Variants in KDM1B observed in about 807,000 individuals in gnomAD.
KDM1B encodes lysine-specific histone demethylase 2.
KDM1B carries 63 observed loss-of-function variants against 107.4 expected under a neutral mutation model. That is an observed-to-expected ratio of 0.59 (90% confidence interval 0.48 to 0.72). The LOEUF (loss-of-function observed/expected upper bound fraction) is 0.72. KDM1B is among the 30% of genes least tolerant of loss of function. KDM1B has a pLI of 0.00. For synonymous variants in KDM1B, 363 were observed against 363.9 expected, an observed-to-expected ratio of 1.00 and a Z score of 0.03; for missense variants, 749 against 1,020.8, an observed-to-expected ratio of 0.73 and a Z score of 3.63.
intron 7 of KDM1B, among the ~76,000 whole-genome samples, chr6:18,182,434 G>A (rs1421688498): frequency 6.6e-6 from 1 of 152,160 alleles, no homozygotes; most frequent in African/African-American, 2.4e-5. Context: ...AAGAACAATT[G>A]ACAACTCTGT....
At chr6:18,208,690 G>T (rs1360100794) in intron 17 of KDM1B, among the ~76,000 whole-genome samples, 2 of 119,766 alleles carry the variant, frequency 1.7e-5, no homozygotes, top group African/African-American at 6.4e-5. Context: ...TGTCACCCAG[G>T]CTGGAGTGCA....
intron 16 of KDM1B, 60 bp from the exon 17 acceptor site, chr6:18,208,072 A>C: frequency 8.3e-7 from 1 of 1,210,146 alleles, no homozygotes; most frequent in Non-Finnish European, 1.2e-6. Flanking sequence ...GAGAATCGGA[A>C]AGGATCCTGG....
At position 18,159,299 on chromosome 6, in the gene KDM1B, A is replaced by G. The variant is rs943295731; in HGVS notation, c.-13-584A>G. 6.6e-6 allele frequency among the ~76,000 whole-genome samples: 1 copy of G among 152,230 alleles called. No homozygotes were observed. The highest frequency in any genetic ancestry group is 1.5e-5 in the Non-Finnish European group (1 of 68,034). The stretch of plus-strand genomic sequence containing the variant: ...TCTTTTTAAAGTGTAATAAGAGATC[A>G]AAGTGCAGGAACTGCTAAGAAGACA... On this transcript the variant is annotated intron_variant, in intron 2 of 21. Coordinates refer to ENST00000650836, the MANE Select transcript of KDM1B (RefSeq NM_001364614.2). This position sits in a 1 kb window ranked among gnomAD's most constrained non-coding sequence, Gnocchi z 4.5.
chr6:18,220,670 G>T (rs1789626923), intron 21 of KDM1B, among the ~76,000 whole-genome samples: 1 of 152,180 alleles, frequency 6.6e-6, no homozygotes, highest in Non-Finnish European at 1.5e-5. Context: ...CAGCAGCTTC[G>T]GAGAGACGGC....
At position 18,205,450 on chromosome 6, in the gene KDM1B, G is replaced by A; in HGVS notation, c.1532-87G>A. 7.5e-7 allele frequency: 1 copy of A among 1,339,528 alleles called. No individual in the cohort carries two copies. Among genetic ancestry groups the A allele is most frequent in the Admixed American group, 2.3e-5 (1 of 42,980 alleles). The allele number at this position is 1,339,528 out of a possible 1,614,324, so 83.0% of individuals were successfully genotyped here. ...GACTTTGGAAGTTTTGGGTGTTGCT[G>A]GGTGACAGAGGTTGAAAGCAAAGGA... is the stretch of plus-strand genomic sequence containing the variant. On this transcript the variant is annotated intron_variant, in intron 14 of 21. Transcript: ENST00000650836. This position sits in a 1 kb window ranked among gnomAD's most constrained non-coding sequence, Gnocchi z 5.7.
In KDM1B at chr6:18,205,513, T is replaced by C. The variant is rs911967837; in HGVS notation, c.1532-24T>C. On this transcript the variant is annotated intron_variant, in intron 14 of 21. Coordinates refer to ENST00000650836, the MANE Select transcript of KDM1B (RefSeq NM_001364614.2). The surrounding 1 kb of genome is among the most constrained non-coding windows in gnomAD (Gnocchi z 5.7). ...GAATCTTGTTAAAGCTATTTTTTTC[T>C]GCTTTGATCCATTCCCATTACAGAA... 9 of 1,540,554 alleles carry C rather than the reference T, an allele frequency of 5.8e-6. No individual in the cohort carries two copies. Among genetic ancestry groups the C allele is most frequent in the Non-Finnish European group, 3.5e-6 (4 of 1,142,252 alleles).
At chr6:18,207,752 G>T (rs989915079) in intron 16 of KDM1B, among the ~76,000 whole-genome samples, 1 of 152,206 alleles carries the variant, frequency 6.6e-6, no homozygotes. Context: ...CTATTAAGAA[G>T]AAGGTATTCA....
At chr6:18,184,195 AGTTTT>A (rs991369036) in intron 7 of KDM1B, among the ~76,000 whole-genome samples, 3 of 149,356 alleles carry the variant, frequency 2.0e-5, no homozygotes, top group Non-Finnish European at 3.0e-5. Flanking sequence ...ACAATCATAT[AGTTTT>A]GTTTTGTTTT....
At position 18,207,421 on chromosome 6, in the gene KDM1B, C is replaced by T; in HGVS notation, c.1683C>T (p.His561=). Residue 561 remains histidine (H), a synonymous_variant, in exon 16 of 22, where the codon CAC becomes CAT. Coordinates refer to ENST00000650836, the MANE Select transcript of KDM1B (RefSeq NM_001364614.2). The stretch of plus-strand genomic sequence containing the variant: ...AGGTATCTGCTCGCTCGTGGGACCA[C>T]AATGAATTCTTTGCCCAGTTTGCTG... ...LHQVSARSWD[H]NEFFAQFAGD... The T allele has an allele frequency of 1.2e-6, 2 of 1,614,180 alleles. No homozygotes were observed. Among genetic ancestry groups the T allele is most frequent in the Non-Finnish European group, 1.7e-6 (2 of 1,180,028 alleles).
In KDM1B at chr6:18,213,725, C is replaced by G. The variant is rs1789022837; in HGVS notation, c.2053C>G (p.Pro685Ala). ...AGGGGCTGACTTTTTTGGTCACGTT[C>G]CTCCCAGTGCCAGCAAGCGAGGGCT... ...VQGADFFGHV[P>A]PSASKRGLFA... is the part of the protein sequence containing the mutation. The change falls in exon 19 of 22, where the codon CCT becomes GCT. Residue 685 changes from proline (P) to alanine (A), a missense_variant. Transcript: ENST00000650836. This position sits in a 1 kb window ranked among gnomAD's most constrained non-coding sequence, Gnocchi z 5.9. 1 of 1,613,880 alleles carries G rather than the reference C, an allele frequency of 6.2e-7. No homozygotes were observed. Among genetic ancestry groups the G allele is most frequent in the African/African-American group, 1.3e-5 (1 of 74,906 alleles).
rs148727543 is a variant in KDM1B at position 18,213,632 on chromosome 6, A to G, written c.1984-24A>G. 5.7e-4 allele frequency: 912 copies of G among 1,613,268 alleles called. 9 individuals carry two copies. In the East Asian group the frequency reaches 0.02, roughly 35 times the overall value. ...GTTTTGTGACGACAGACACCTAACC[A>G]CCTTTCTTCTGCTCACTTTGCAGAT... On this transcript the variant is annotated intron_variant, in intron 18 of 21. Transcript: ENST00000650836. This position sits in a 1 kb window ranked among gnomAD's most constrained non-coding sequence, Gnocchi z 5.9.
chr6:18,193,018 C>T (rs1334259837), intron 10 of KDM1B, among the ~76,000 whole-genome samples: 1 of 151,338 alleles, frequency 6.6e-6, no homozygotes, highest in Admixed American at 6.6e-5. Context: ...CATGGCAAAA[C>T]CCCGTCTCTA....
chr6:18,208,617 ATATATATATATTTTTTTTTTTTTT>A (rs1410695316), intron 17 of KDM1B, among the ~76,000 whole-genome samples: 2 of 34,930 alleles, frequency 5.7e-5, no homozygotes, highest in African/African-American at 2.1e-4. Flanking sequence ...ATATATATAT[ATATATATATATTTTTTTTTTTTTT>A]TTTTTTTTTT....
intron 20 of KDM1B, among the ~76,000 whole-genome samples, chr6:18,217,484 T>C (rs1052341581): frequency 6.6e-6 from 1 of 151,418 alleles, no homozygotes; most frequent in Non-Finnish European, 1.5e-5. Context: ...GTTCACGCCA[T>C]TCTCCTGACT....
In KDM1B at chr6:18,191,813, A is replaced by G. The variant is rs1434463503; in HGVS notation, c.969+432A>G. Among the ~76,000 whole-genome samples, 1 of 152,188 alleles carries G rather than the reference A, an allele frequency of 6.6e-6. No homozygotes were observed. Among genetic ancestry groups the G allele is most frequent in the Non-Finnish European group, 1.5e-5 (1 of 68,036 alleles). ...GAATTACATACAAATCCTTGAGGAC[A>G]GGAATTTTTATTCACCTCGGCATCC... On this transcript the variant is annotated intron_variant, in intron 10 of 21. Coordinates refer to ENST00000650836, the MANE Select transcript of KDM1B (RefSeq NM_001364614.2). The surrounding 1 kb of genome is among the most constrained non-coding windows in gnomAD (Gnocchi z 5.1).
rs1784529613 is a variant in KDM1B at position 18,155,514 on chromosome 6, G to C, written c.-115G>C. On this transcript the variant is annotated 5_prime_UTR_variant, in exon 1 of 22. Coordinates refer to ENST00000650836, the MANE Select transcript of KDM1B (RefSeq NM_001364614.2). This position sits in a 1 kb window ranked among gnomAD's most constrained non-coding sequence, Gnocchi z 6.2. Reference sequence around the variant, plus strand: ...AGCCGTCCTGTGCGCGCGGCGCGCGGCTCCGGAGAGGCGCCCGCAGTCCAG... The same window carrying C: ...AGCCGTCCTGTGCGCGCGGCGCGCGCCTCCGGAGAGGCGCCCGCAGTCCAG... The C allele has an allele frequency of 6.5e-6, 1 of 153,082 alleles. No individual in the cohort carries two copies. The highest frequency in any genetic ancestry group is 1.5e-5 in the Non-Finnish European group (1 of 68,376). 9.5% of individuals were successfully genotyped at this position (153,082 alleles called of 1,614,324 possible). A position where few individuals can be genotyped will look rare whatever the true frequency, so the allele number is the denominator to read the frequency against.
At chr6:18,219,209 C>T (rs1789485698) in intron 21 of KDM1B, among the ~76,000 whole-genome samples, 1 of 152,144 alleles carries the variant, frequency 6.6e-6, no homozygotes, top group Non-Finnish European at 1.5e-5. Flanking sequence ...GCCTGGATCT[C>T]TTTTAAAATC....
intron 7 of KDM1B, among the ~76,000 whole-genome samples, chr6:18,185,473 T>C (rs1786796450): frequency 1.3e-5 from 2 of 152,176 alleles, no homozygotes; most frequent in East Asian, 3.9e-4. Flanking sequence ...GGCTAATTTT[T>C]ATATTTTTAG....
At chr6:18,206,737 C>T (rs113460099) in intron 15 of KDM1B, among the ~76,000 whole-genome samples, 418 of 152,176 alleles carry the variant, frequency 2.7e-3, no homozygotes, top group African/African-American at 9.7e-3. Context: ...GTCTCTTTAC[C>T]GTCCTTTCCC....
Sources: allele counts gnomAD v4.1 joint callset (sites outside exome capture counted in the v4.1 genomes callset), GRCh38; gene constraint gnomAD v4.1.1; non-coding constraint Gnocchi (gnomAD v3.1); transcripts MANE v1.5; gene names NCBI Gene and HGNC (gene_info 2026-07-23, HGNC 2026-07-21).